PC: variants seen among roughly 807,000 people sequenced by gnomAD.
The protein encoded by PC is pyruvate carboxylase, also known as pyruvate carboxylase, mitochondrial.
Under a neutral mutation model 107.8 loss-of-function variants are expected in PC, and 46 were observed. The observed-to-expected ratio is 0.43, with a 90% CI of 0.34 to 0.55. The LOEUF is 0.55. PC is among the 20% of genes least tolerant of loss of function. The pLI, the probability that PC is intolerant of heterozygous loss-of-function variation, is 0.04. For missense variants in PC, 1,241 were observed against 1,643.1 expected (o/e 0.76, Z 4.23); for synonymous variants, 662 against 684.7 (o/e 0.97, Z 0.52).
chr11:66,898,574 G>A (rs1327911805), intron 3 of PC, among the ~76,000 whole-genome samples: 1 of 152,158 alleles, frequency 6.6e-6, no homozygotes, highest in Non-Finnish European at 1.5e-5. Context: ...CAGATACTTA[G>A]GAGGCTGAGA....
intron 10 of PC, among the ~76,000 whole-genome samples, chr11:66,867,359 C>G (rs1946540166): frequency 6.6e-6 from 1 of 152,198 alleles, no homozygotes; most frequent in Non-Finnish European, 1.5e-5. Flanking sequence ...GCACTCCAGC[C>G]TGGGTGACAG....
At chr11:66,917,860 G>A (rs1196984654) in intron 3 of PC, among the ~76,000 whole-genome samples, 1 of 152,158 alleles carries the variant, frequency 6.6e-6, no homozygotes, top group Non-Finnish European at 1.5e-5. Flanking sequence ...TCATACCCTG[G>A]GGTGAGCTGC....
At chr11:66,929,051 T>C (rs959459228) in intron 3 of PC, among the ~76,000 whole-genome samples, 7 of 152,108 alleles carry the variant, frequency 4.6e-5, no homozygotes, top group Non-Finnish European at 1.0e-4. Flanking sequence ...TTAGCCACCA[T>C]CTAAGACTTA....
At chr11:66,930,207 C>T (rs1035431634) in intron 3 of PC, among the ~76,000 whole-genome samples, 4 of 151,920 alleles carry the variant, frequency 2.6e-5, no homozygotes, top group Non-Finnish European at 5.9e-5. Context: ...AAACAAAAAA[C>T]TCCCCCCAAG....
chr11:66,876,749 G>A (rs751809320), intron 3 of PC, among the ~76,000 whole-genome samples: 2 of 152,206 alleles, frequency 1.3e-5, no homozygotes, highest in East Asian at 1.9e-4. Context: ...GGTGTGGGGT[G>A]TAAATCTCAC....
In PC at chr11:66,957,975, G is replaced by A. The variant is rs1021777102; in HGVS notation, c.-228+347C>T. Reference sequence around the variant, plus strand: ...CGAACCCTCAGGGACCTCGCGCGAGGCGCTTTAGTCAGTTTCTCCATCTGC... The same window carrying A: ...CGAACCCTCAGGGACCTCGCGCGAGACGCTTTAGTCAGTTTCTCCATCTGC... On this transcript the variant is annotated intron_variant, in intron 1 of 22. Coordinates refer to ENST00000393960, the MANE Select transcript of PC (RefSeq NM_001040716.2). 3.9e-5 allele frequency: 6 copies of A among 152,220 alleles called. No individual in the cohort carries two copies. In the East Asian group the frequency reaches 5.8e-4, roughly 15 times the overall value. 9.4% of individuals were successfully genotyped at this position (152,220 alleles called of 1,614,324 possible).
rs1362900764 is a variant in PC, at chr11:66,857,137, G to A, written c.1369-3754C>T. 5 of 148,320 alleles carry A rather than the reference G, an allele frequency of 3.4e-5. No homozygotes were observed. Among genetic ancestry groups the A allele is most frequent in the East Asian group, 3.9e-4 (2 of 5,100 alleles). The allele number at this position is 148,320 out of a possible 1,614,324, so 9.2% of individuals were successfully genotyped here. On this transcript the variant is annotated intron_variant, in intron 12 of 22. Coordinates refer to ENST00000393960, the MANE Select transcript of PC (RefSeq NM_001040716.2). The surrounding 1 kb of genome is among the most constrained non-coding windows in gnomAD (Gnocchi z 7.1). ...CGGGAAAAGGTGCCGGGAACCGAGC[G>A]AGCCGGGGCCGCGGGCCCGAGCGCC...
chr11:66,885,351 G>A (rs1002422466), intron 3 of PC, among the ~76,000 whole-genome samples: 20 of 152,132 alleles, frequency 1.3e-4, no homozygotes, highest in East Asian at 5.8e-4. Flanking sequence ...TTAGCCAGGT[G>A]TGGTGGTGGC....
chr11:66,940,251 T>C (rs907846729), intron 3 of PC, among the ~76,000 whole-genome samples: 1 of 150,920 alleles, frequency 6.6e-6, no homozygotes, highest in African/African-American at 2.4e-5. Context: ...CAGGCTGGAA[T>C]GCAGTCGTAC....
At chr11:66,897,292 G>A (rs1181358615) in intron 3 of PC, among the ~76,000 whole-genome samples, 2 of 152,142 alleles carry the variant, frequency 1.3e-5, no homozygotes, top group Admixed American at 6.6e-5. Flanking sequence ...TGACTAAGTC[G>A]GGGTGCAGTG....
chr11:66,921,040 A>C (rs1948583440), intron 3 of PC, among the ~76,000 whole-genome samples: 3 of 151,514 alleles, frequency 2.0e-5, no homozygotes, highest in Admixed American at 2.0e-4. Context: ...AAAAAAAAAA[A>C]GAACAGAAAT....
chr11:66,911,944 A>T (rs1948344695), intron 3 of PC, among the ~76,000 whole-genome samples: 1 of 151,872 alleles, frequency 6.6e-6, no homozygotes, highest in Non-Finnish European at 1.5e-5. Context: ...GAGGCAGGAG[A>T]ATCCCTCGAA....
At chr11:66,881,283 CAT>C (rs1947180583) in intron 3 of PC, among the ~76,000 whole-genome samples, 1 of 152,218 alleles carries the variant, frequency 6.6e-6, no homozygotes, top group Admixed American at 6.5e-5. Context: ...TCGGGTTGTG[CAT>C]AAGAGACCAA....
At chr11:66,873,445 TTA>T (rs1256391857) in intron 3 of PC, among the ~76,000 whole-genome samples, 23 of 86,628 alleles carry the variant, frequency 2.7e-4, no homozygotes, top group South Asian at 1.0e-3. Flanking sequence ...ATATATTATA[TTA>T]TATATAAAAT....
At position 66,852,723 on chromosome 11, in the gene PC, G is replaced by A. The variant is rs1265735994; in HGVS notation, c.1603+24C>T. The A allele has an allele frequency of 6.2e-7, 1 of 1,610,300 alleles. No individual in the cohort carries two copies. Among genetic ancestry groups the A allele is most frequent in the Admixed American group, 1.7e-5 (1 of 59,874 alleles). On this transcript the variant is annotated intron_variant, in intron 14 of 22. Transcript: ENST00000393960. This position sits in a 1 kb window ranked among gnomAD's most constrained non-coding sequence, Gnocchi z 4.7. ...TGGCAACCTCCTGTCTCCCCCATGA[G>A]TTGACAGAATGGATCTCACCTACCT... is the stretch of plus-strand genomic sequence containing the variant.
intron 12 of PC, chr11:66,859,876 T>C: frequency 5.1e-6 from 8 of 1,565,770 alleles, no homozygotes; most frequent in South Asian, 1.2e-5. Flanking sequence ...GTGGCTGCCT[T>C]ACTGGTCTTC....
Position 66,866,764 on chromosome 11 carries a change from G to A in PC, c.1023-415C>T, listed in dbSNP as rs1200802010. The stretch of plus-strand genomic sequence containing the variant: ...AGCCTCAGCAGATCTCTAGGTCAGA[G>A]GGCCAGGATAGCACATTCTTGGGGC... On this transcript the variant is annotated intron_variant, in intron 10 of 22. Coordinates refer to ENST00000393960, the MANE Select transcript of PC (RefSeq NM_001040716.2). The surrounding 1 kb of genome is among the most constrained non-coding windows in gnomAD (Gnocchi z 5.4). Among the ~76,000 whole-genome samples the A allele has an allele frequency of 3.3e-5, 5 of 152,190 alleles. No individual in the cohort carries two copies. The highest frequency in any genetic ancestry group is 2.9e-5 in the Non-Finnish European group (2 of 68,052).
chr11:66,937,045 T>C (rs1949018326), intron 3 of PC, among the ~76,000 whole-genome samples: 1 of 152,244 alleles, frequency 6.6e-6, no homozygotes, highest in African/African-American at 2.4e-5. Context: ...GGTTTCGCCA[T>C]GTTGGTCAGG....
chr11:66,931,739 C>T (rs188784398), intron 3 of PC, among the ~76,000 whole-genome samples: 3 of 152,102 alleles, frequency 2.0e-5, no homozygotes, highest in Non-Finnish European at 2.9e-5. Context: ...TTTCTGTAGC[C>T]GGGCGCAGTG....
Sources: gnomAD v4.1 joint callset for allele counts (sites outside exome capture counted in the v4.1 genomes callset) on GRCh38, gnomAD v4.1.1 for gene constraint, Gnocchi (gnomAD v3.1) non-coding constraint, MANE v1.5 for transcripts, NCBI Gene and HGNC (gene_info 2026-07-23, HGNC 2026-07-21) for gene names.